Variants in JAKMIP2 observed in about 807,000 individuals in gnomAD.
The protein encoded by JAKMIP2 is janus kinase and microtubule interacting protein 2.
A neutral mutation model predicts 115.0 loss-of-function variants in JAKMIP2; 25 were observed. That is an observed-to-expected ratio of 0.22 (90% CI 0.16 to 0.30). JAKMIP2 has a LOEUF of 0.30. Ranked by LOEUF, JAKMIP2 falls within the 10% of genes least tolerant of loss-of-function variation. JAKMIP2 has a pLI of 1.00. For missense variants in JAKMIP2, 642 were observed against 957.6 expected (o/e 0.67, Z 4.35); for synonymous variants, 334 against 343.6 (o/e 0.97, Z 0.31).
Position 147,602,009 on chromosome 5 carries a change from T to C in JAKMIP2, c.2413-198A>G, listed in dbSNP as rs189132702. Among the ~76,000 whole-genome samples the C allele has an allele frequency of 9.0e-4, 137 of 152,342 alleles. 1 individual carries two copies. The highest frequency in any genetic ancestry group is 3.1e-3 in the African/African-American group (129 of 41,584). ...TCAGTGTTCAACTAACATTGATTCA[T>C]ACATTTTAGAATCATGAGGTGGTCT... is the stretch of plus-strand genomic sequence containing the variant. On this transcript the variant is annotated intron_variant, in intron 20 of 21. Transcript: ENST00000616793.
At chr5:147,684,415 G>A (rs1760474921) in intron 1 of JAKMIP2, among the ~76,000 whole-genome samples, 1 of 151,968 alleles carries the variant, frequency 6.6e-6, no homozygotes, top group Non-Finnish European at 1.5e-5. Flanking sequence ...ATAATATTGG[G>A]CATAGGTAAA....
chr5:147,690,597 A>G (rs973461315), intron 1 of JAKMIP2, among the ~76,000 whole-genome samples: 3 of 147,094 alleles, frequency 2.0e-5, no homozygotes, highest in Non-Finnish European at 4.5e-5. Context: ...ACATATGCAC[A>G]CACATCTATG....
chr5:147,652,786 T>C (rs1758471251), intron 3 of JAKMIP2, among the ~76,000 whole-genome samples: 1 of 152,170 alleles, frequency 6.6e-6, no homozygotes, highest in Admixed American at 6.6e-5. Flanking sequence ...TGGCTTGCTG[T>C]ACCTATCAAC....
At chr5:147,719,578 A>C (rs191995980) in intron 1 of JAKMIP2, among the ~76,000 whole-genome samples, 3,911 of 152,146 alleles carry the variant, frequency 0.026, 104 homozygotes, top group East Asian at 0.11. Context: ...CTTCTTGTTG[A>C]ATTGATCCCT....
At chr5:147,626,225 C>A (rs577816417) in intron 16 of JAKMIP2, among the ~76,000 whole-genome samples, 1 of 152,330 alleles carries the variant, frequency 6.6e-6, no homozygotes, top group East Asian at 1.9e-4. Flanking sequence ...GGCAGCTGAA[C>A]AGACCATGAG....
chr5:147,754,573 G>A (rs931832200), intron 1 of JAKMIP2, among the ~76,000 whole-genome samples: 1 of 152,118 alleles, frequency 6.6e-6, no homozygotes, highest in Non-Finnish European at 1.5e-5. Context: ...AGGATGACTA[G>A]AGTTTCAGAA....
rs754431287 is a variant in JAKMIP2, at chr5:147,644,045, G to T, written c.1224+13C>A. On this transcript the variant is annotated intron_variant, in intron 7 of 21. Coordinates refer to ENST00000616793, the MANE Select transcript of JAKMIP2 (RefSeq NM_001270941.2). ...GGGAACAACTTAGGGTTTACAGATT[G>T]ATTGACACGTACCCTTGTGAGCTCA... 1 of 1,533,320 alleles carries T rather than the reference G, an allele frequency of 6.5e-7. No homozygotes were observed. Among genetic ancestry groups the T allele is most frequent in the South Asian group, 1.3e-5 (1 of 75,632 alleles). The allele number at this position is 1,533,320 out of a possible 1,614,324, so 95.0% of individuals were successfully genotyped here. A position where few individuals can be genotyped will look rare whatever the true frequency, so the allele number is the denominator to read the frequency against.
At chr5:147,758,750 A>G (rs1318203517) in intron 1 of JAKMIP2, among the ~76,000 whole-genome samples, 2 of 152,108 alleles carry the variant, frequency 1.3e-5, no homozygotes. Flanking sequence ...ATGACCAGCT[A>G]AAAGAGTTTT....
chr5:147,655,120 A>C (rs190450578), intron 3 of JAKMIP2, among the ~76,000 whole-genome samples: 1 of 152,020 alleles, frequency 6.6e-6, no homozygotes, highest in Non-Finnish European at 1.5e-5. Flanking sequence ...TTTTATTGAG[A>C]ATTTTCACAT....
intron 1 of JAKMIP2, among the ~76,000 whole-genome samples, chr5:147,730,879 C>T (rs1377452586): frequency 6.6e-6 from 1 of 152,170 alleles, no homozygotes. Flanking sequence ...GCTATACATT[C>T]CCACTTGCTC....
intron 18 of JAKMIP2, 69 bp from the exon 19 acceptor site, chr5:147,618,183 T>C: frequency 9.3e-7 from 1 of 1,077,838 alleles, no homozygotes; most frequent in Non-Finnish European, 1.4e-6. Context: ...GAGTGTATGC[T>C]ATGTATGTAT....
chr5:147,703,231 T>C (rs922574982), intron 1 of JAKMIP2, among the ~76,000 whole-genome samples: 3 of 152,168 alleles, frequency 2.0e-5, no homozygotes, highest in Non-Finnish European at 4.4e-5. Flanking sequence ...TAAAGCCCAC[T>C]ATACACCCAG....
chr5:147,612,439 A>G (rs1434919869), intron 19 of JAKMIP2, 68 bp from the exon 20 acceptor site: 7 of 905,684 alleles, frequency 7.7e-6, no homozygotes, highest in African/African-American at 3.4e-5. Context: ...ATAATTTACC[A>G]AATGAAAACA....
intron 1 of JAKMIP2, among the ~76,000 whole-genome samples, chr5:147,722,183 C>T (rs60146133): frequency 7.9e-5 from 12 of 152,238 alleles, no homozygotes; most frequent in African/African-American, 2.2e-4. Flanking sequence ...GTAATCTCTC[C>T]CTGATTTTGC....
chr5:147,697,490 G>A (rs1391329106), intron 1 of JAKMIP2, among the ~76,000 whole-genome samples: 1 of 152,160 alleles, frequency 6.6e-6, no homozygotes, highest in Non-Finnish European at 1.5e-5. Flanking sequence ...ATGTCTCCAG[G>A]GCATGACAGA....
At chr5:147,775,758 A>G (rs188077528) in intron 1 of JAKMIP2, among the ~76,000 whole-genome samples, 140 of 152,322 alleles carry the variant, frequency 9.2e-4, no homozygotes, top group African/African-American at 3.1e-3. Flanking sequence ...GTCTTAGGCC[A>G]GGAGCCCTTT....
intron 21 of JAKMIP2, among the ~76,000 whole-genome samples, chr5:147,597,448 T>C (rs1231480361): frequency 3.9e-5 from 6 of 152,186 alleles, no homozygotes; most frequent in Non-Finnish European, 1.5e-5. Flanking sequence ...AAAATTTATA[T>C]ACATATATCT....
intron 21 of JAKMIP2, among the ~76,000 whole-genome samples, 152 bp downstream of exon 21, chr5:147,601,589 C>A (rs184637301): frequency 8.7e-5 from 13 of 150,116 alleles, no homozygotes; most frequent in Admixed American, 1.4e-4. Context: ...GGTGACAGAA[C>A]AAGACTCTGT....
At chr5:147,719,158 T>C (rs1753146537) in intron 1 of JAKMIP2, among the ~76,000 whole-genome samples, 5 of 132,118 alleles carry the variant, frequency 3.8e-5, no homozygotes, top group African/African-American at 3.1e-5. Context: ...TTGAGTGGTT[T>C]TGAGTGAGAT....
Sources: allele counts gnomAD v4.1 joint callset (sites outside exome capture counted in the v4.1 genomes callset), GRCh38; gene constraint gnomAD v4.1.1; transcripts MANE v1.5; gene names NCBI Gene and HGNC (gene_info 2026-07-23, HGNC 2026-07-21).